Variants in ADCK1 observed in about 807,000 individuals in gnomAD.
The protein encoded by ADCK1 is aarF domain-containing protein kinase 1.
In ADCK1, 41 loss-of-function variants were observed where a neutral mutation model predicts 52.3. The observed-to-expected ratio is 0.78, with a 90% CI of 0.61 to 1.02. The LOEUF is 1.02. Ranked by LOEUF, ADCK1 falls within the 50% of genes least tolerant of loss-of-function variation. The pLI is 0.00. For synonymous variants in ADCK1, 250 were observed against 274.6 expected, an observed-to-expected ratio of 0.91 and a Z score of 0.89; for missense variants, 658 against 679.5, an observed-to-expected ratio of 0.97 and a Z score of 0.35.
chr14:77,863,055 T>C (rs1295749679), intron 4 of ADCK1, among the ~76,000 whole-genome samples: 1 of 152,116 alleles, frequency 6.6e-6, no homozygotes, highest in Admixed American at 6.5e-5. Flanking sequence ...AGGTGAACAG[T>C]GAGGTCTTGT....
At chr14:77,836,497 T>C (rs1198198054) in intron 3 of ADCK1, among the ~76,000 whole-genome samples, 1 of 152,328 alleles carries the variant, frequency 6.6e-6, no homozygotes, top group East Asian at 1.9e-4. Flanking sequence ...TGTTCAAGCG[T>C]CCACAGCTAG....
intron 3 of ADCK1, among the ~76,000 whole-genome samples, chr14:77,837,130 A>G (rs558607088): frequency 6.7e-6 from 1 of 149,058 alleles, no homozygotes; most frequent in East Asian, 2.0e-4. Flanking sequence ...TGGGCAATCC[A>G]GGATGATCTC....
At chr14:77,859,979 G>A (rs1287053314) in intron 4 of ADCK1, among the ~76,000 whole-genome samples, 1 of 152,148 alleles carries the variant, frequency 6.6e-6, no homozygotes. Context: ...TCTACCATCT[G>A]CCTGATGTCT....
At chr14:77,883,097 C>G (rs1270092815) in intron 4 of ADCK1, among the ~76,000 whole-genome samples, 3 of 151,912 alleles carry the variant, frequency 2.0e-5, no homozygotes, top group African/African-American at 7.3e-5. Context: ...CTTTTCCAGA[C>G]AGGGACATCG....
At chr14:77,827,758 G>A in intron 3 of ADCK1, 1 of 369,530 alleles carries the variant, frequency 2.7e-6, no homozygotes, top group Non-Finnish European at 5.2e-6. Context: ...TTTTGGACCT[G>A]GAGCCAGGTC....
At chr14:77,812,630 A>T (rs12883228) in intron 1 of ADCK1, among the ~76,000 whole-genome samples, 1 of 151,856 alleles carries the variant, frequency 6.6e-6, no homozygotes, top group East Asian at 1.9e-4. Flanking sequence ...CATTCTTTTG[A>T]CCAGGCTGGA....
Position 77,934,279 on chromosome 14 carries a change from G to A in ADCK1, c.*888G>A, listed in dbSNP as rs1279579508. On this transcript the variant is annotated 3_prime_UTR_variant, in exon 11 of 11. Coordinates refer to ENST00000238561, the MANE Select transcript of ADCK1 (RefSeq NM_020421.4). Reference sequence around the variant, plus strand: ...ATGGGGCCACTTCCTGCTTCTTGGGGGTTTCTCTTACCTTCCAAGACTCAG... The same window carrying A: ...ATGGGGCCACTTCCTGCTTCTTGGGAGTTTCTCTTACCTTCCAAGACTCAG... 1 of 152,012 alleles carries A rather than the reference G, an allele frequency of 6.6e-6. No individual in the cohort carries two copies. Among genetic ancestry groups the A allele is most frequent in the African/African-American group, 2.4e-5 (1 of 41,340 alleles). The allele number at this position is 152,012 out of a possible 1,614,324, so 9.4% of individuals were successfully genotyped here.
At chr14:77,844,226 G>A (rs1462645860) in intron 3 of ADCK1, among the ~76,000 whole-genome samples, 3 of 151,944 alleles carry the variant, frequency 2.0e-5, no homozygotes, top group South Asian at 2.1e-4. Flanking sequence ...GACTACAAGC[G>A]CACACCACCA....
chr14:77,851,666 A>T (rs1387410582), intron 3 of ADCK1, among the ~76,000 whole-genome samples: 2 of 152,106 alleles, frequency 1.3e-5, no homozygotes, highest in Non-Finnish European at 2.9e-5. Context: ...GCTTTAGTTT[A>T]TAGTATACAT....
chr14:77,817,520 G>A (rs1422756058), intron 1 of ADCK1, among the ~76,000 whole-genome samples: 17 of 152,184 alleles, frequency 1.1e-4, no homozygotes, highest in Admixed American at 9.8e-4. Context: ...TGCACTGGCC[G>A]CAAAGAGTGA....
intron 6 of ADCK1, among the ~76,000 whole-genome samples, chr14:77,902,001 G>T (rs866802748): frequency 2.0e-4 from 30 of 152,204 alleles, no homozygotes; most frequent in African/African-American, 7.0e-4. Context: ...CAACAGTCAA[G>T]CTGTGCTGTT....
At chr14:77,853,191 C>T (rs2140123212) in intron 3 of ADCK1, among the ~76,000 whole-genome samples, 1 of 151,980 alleles carries the variant, frequency 6.6e-6, no homozygotes, top group Admixed American at 6.6e-5. Flanking sequence ...CATGCCTTGG[C>T]TTACTGCAAC....
At position 77,875,391 on chromosome 14, in the gene ADCK1, C is replaced by T. The variant is rs577309634; in HGVS notation, c.424-11700C>T. Among the ~76,000 whole-genome samples the T allele has an allele frequency of 5.9e-5, 9 of 152,008 alleles. No homozygotes were observed. In the South Asian group the frequency reaches 6.2e-4, roughly 11 times the overall value. ...GCCTCCTCTTTCCTCAGGGTAGGAGCGAGTGGGTTGTGGTCAGAACGTCGG... is the reference window on the plus strand; with the variant it reads ...GCCTCCTCTTTCCTCAGGGTAGGAGTGAGTGGGTTGTGGTCAGAACGTCGG... On this transcript the variant is annotated intron_variant, in intron 4 of 10. Transcript: ENST00000238561.
chr14:77,840,265 T>A (rs1228202129), intron 3 of ADCK1, among the ~76,000 whole-genome samples: 1 of 152,094 alleles, frequency 6.6e-6, no homozygotes, highest in Non-Finnish European at 1.5e-5. Context: ...CTGGAACGGT[T>A]CTCACTGGGA....
intron 4 of ADCK1, among the ~76,000 whole-genome samples, chr14:77,862,221 A>T (rs1172170163): frequency 6.6e-6 from 1 of 152,228 alleles, no homozygotes; most frequent in Admixed American, 6.5e-5. Flanking sequence ...CCTGAAAGAC[A>T]GGTTCCAGGA....
At chr14:77,892,530 A>G (rs1353828858) in intron 5 of ADCK1, among the ~76,000 whole-genome samples, 1 of 152,068 alleles carries the variant, frequency 6.6e-6, no homozygotes, top group South Asian at 2.1e-4. Context: ...TCACTCTGCT[A>G]TCTCAGCTTC....
chr14:77,889,671 A>G (rs7154470), intron 5 of ADCK1, among the ~76,000 whole-genome samples: 4,631 of 152,284 alleles, frequency 0.03, 219 homozygotes, highest in African/African-American at 0.11. Context: ...AGTTCTTATA[A>G]GAGTAAGGGG....
chr14:77,869,596 A>G (rs4903661), intron 4 of ADCK1, among the ~76,000 whole-genome samples: 90,034 of 151,996 alleles, frequency 0.59, 26,991 homozygotes, highest in South Asian at 0.68. Flanking sequence ...ATATTTATGG[A>G]GCACAGTTCA....
chr14:77,875,117 G>A (rs2082869923), intron 4 of ADCK1, among the ~76,000 whole-genome samples: 1 of 152,176 alleles, frequency 6.6e-6, no homozygotes, highest in Admixed American at 6.5e-5. Context: ...GACCAGTTAT[G>A]GGGCAGTTAT....
Sources: gnomAD v4.1 joint callset for allele counts (sites outside exome capture counted in the v4.1 genomes callset) on GRCh38, gnomAD v4.1.1 for gene constraint, MANE v1.5 for transcripts, NCBI Gene and HGNC (gene_info 2026-07-23, HGNC 2026-07-21) for gene names.